XRCC3: variants seen among roughly 807,000 people sequenced by gnomAD.
XRCC3 encodes the protein X-ray repair cross complementing 3, also known as DNA repair protein XRCC3.
XRCC3 carries 34 observed loss-of-function variants against 29.2 expected under a neutral mutation model. That is an observed-to-expected ratio of 1.16 (90% confidence interval 0.88 to 1.55). The LOEUF is 1.55. Ranked by LOEUF, XRCC3 falls within the 40% of genes most tolerant of loss-of-function variation. The pLI, the probability that XRCC3 is intolerant of heterozygous loss-of-function variation, is 0.00. For synonymous variants in XRCC3, 223 were observed against 211.3 expected (o/e 1.06, Z -0.48); for missense variants, 463 against 467.6 (o/e 0.99, Z 0.09).
chr14:103,710,849 TAAG>T, intron 4 of XRCC3, 181 bp downstream of exon 4: 1 of 476,946 alleles, frequency 2.1e-6, no homozygotes, highest in Non-Finnish European at 3.6e-6. Flanking sequence ...TCCATGTAGT[TAAG>T]AACACACACA....
At chr14:103,708,445 G>A (rs1218231947) in intron 5 of XRCC3, 77 bp downstream of exon 5, 6 of 1,601,130 alleles carry the variant, frequency 3.7e-6, no homozygotes, top group African/African-American at 1.3e-5. Context: ...AGTCTGCACA[G>A]CCCCTGCCCT....
At chr14:103,715,174 C>T (rs372268622) in intron 1 of XRCC3, among the ~76,000 whole-genome samples, 1 of 152,116 alleles carries the variant, frequency 6.6e-6, no homozygotes, top group Non-Finnish European at 1.5e-5. Flanking sequence ...AGACCGCCTT[C>T]CCCGCTCCGA....
chr14:103,708,682 C>T (rs1019343113), intron 4 of XRCC3, 23 bp from the exon 5 acceptor site: 12 of 1,613,870 alleles, frequency 7.4e-6, no homozygotes, highest in South Asian at 4.4e-5. Flanking sequence ...AGATAAATTA[C>T]AGGAAAATGT....
chr14:103,697,883 GGTCCTGCAGGTGGCCCTGCCAGGA>G lies in XRCC3; in HGVS notation c.*891_*914del, dbSNP rs1382532450. The stretch of plus-strand genomic sequence containing the variant: ...TGCACAGTGTGGGACTGCAGGACAG[GGTCCTGCAGGTGGCCCTGCCAGGA>G]GTCCTGCCATATCCCTACCAGAATA... On this transcript the variant is annotated 3_prime_UTR_variant, in exon 10 of 10. Coordinates refer to ENST00000555055, the MANE Select transcript of XRCC3 (RefSeq NM_005432.4). 6.8e-6 allele frequency: 1 copy of G among 147,258 alleles called. No individual in the cohort carries two copies. Among genetic ancestry groups the G allele is most frequent in the East Asian group, 2.0e-4 (1 of 4,964 alleles). The allele number at this position is 147,258 out of a possible 1,614,324, so 9.1% of individuals were successfully genotyped here.
rs1308409831 is a variant in XRCC3, at chr14:103,708,573, G to A, written c.142C>T (p.His48Tyr). 4 of 1,614,112 alleles carry A rather than the reference G, an allele frequency of 2.5e-6. No homozygotes were observed. Among genetic ancestry groups the A allele is most frequent in the South Asian group, 1.1e-5 (1 of 91,084 alleles). ...LTNLSSPEVW[H>Y]LLRTASLHLR... ...TGTAAGGAGGCCGTTCTCAGCAAGT[G>A]CCAGACCTCGGGGCTGGAGAGGTTG... The change falls in exon 5 of 10, where the codon CAC becomes TAC. Residue 48 changes from histidine to tyrosine, a missense_variant. Coordinates refer to ENST00000555055, the MANE Select transcript of XRCC3 (RefSeq NM_005432.4).
intron 6 of XRCC3, 29 bp from the exon 7 acceptor site, chr14:103,703,356 A>G: frequency 6.5e-7 from 1 of 1,539,298 alleles, no homozygotes; most frequent in Non-Finnish European, 8.7e-7. Flanking sequence ...TGATGTGCCC[A>G]GGGGACTCCA....
chr14:103,699,616 TC>T (rs779960012), intron 7 of XRCC3, 40 bp from the exon 8 acceptor site: 8 of 1,604,830 alleles, frequency 5.0e-6, no homozygotes, highest in Non-Finnish European at 6.0e-6. Flanking sequence ...GGTCAGCAAG[TC>T]CCCGCCCCAG....
chr14:103,709,100 C>A (rs532565989), intron 4 of XRCC3: 3 of 328,934 alleles, frequency 9.1e-6, no homozygotes, highest in African/African-American at 2.2e-5. Flanking sequence ...GGCTGAGCCG[C>A]GGGAGAGGAC....
At chr14:103,700,878 C>A in intron 7 of XRCC3, 1 of 685,230 alleles carries the variant, frequency 1.5e-6, no homozygotes, top group Non-Finnish European at 2.4e-6. Flanking sequence ...GGCTCAGGGT[C>A]CCCATCCTCA....
rs2082773090 is a variant in XRCC3 at position 103,698,563 on chromosome 14, A to T, written c.*235T>A. The T allele has an allele frequency of 1.8e-6, 1 of 567,930 alleles. No individual in the cohort carries two copies. Among genetic ancestry groups the T allele is most frequent in the Admixed American group, 3.0e-5 (1 of 33,220 alleles). The allele number at this position is 567,930 out of a possible 1,614,324, so 35.2% of individuals were successfully genotyped here. A position where few individuals can be genotyped will look rare whatever the true frequency, so the allele number is the denominator to read the frequency against. On this transcript the variant is annotated 3_prime_UTR_variant, in exon 10 of 10. Transcript: ENST00000555055. ...GCCAGCTCAGCAGTGGGGACCAGGT[A>T]CCCAGCAAGCGGGCCTGTCCCCAGA... is the stretch of plus-strand genomic sequence containing the variant.
At position 103,698,612 on chromosome 14, in the gene XRCC3, C is replaced by T. The variant is rs2082778693; in HGVS notation, c.*186G>A. 1 of 640,578 alleles carries T rather than the reference C, an allele frequency of 1.6e-6. No individual in the cohort carries two copies. The highest frequency in any genetic ancestry group is 2.8e-6 in the Non-Finnish European group (1 of 362,568). 39.7% of individuals were successfully genotyped at this position (640,578 alleles called of 1,614,324 possible). A position where few individuals can be genotyped will look rare whatever the true frequency, so the allele number is the denominator to read the frequency against. On this transcript the variant is annotated 3_prime_UTR_variant, in exon 10 of 10. Coordinates refer to ENST00000555055, the MANE Select transcript of XRCC3 (RefSeq NM_005432.4). ...GACCCAGGGAGAGGCAGAACATCCC[C>T]CCAGCTCAGATGGGGGTCAGTCTGT...
intron 1 of XRCC3, chr14:103,714,107 C>T (rs2295152): frequency 0.28 from 42,977 of 152,310 alleles, 6,823 homozygotes; most frequent in East Asian, 0.36. Context: ...CCACTCACCT[C>T]CCTGCCGTGA....
intron 6 of XRCC3, chr14:103,706,694 C>T: frequency 4.5e-6 from 2 of 449,430 alleles, no homozygotes; most frequent in Non-Finnish European, 8.3e-6. Flanking sequence ...CTGGGCTTGG[C>T]AGCTGTGCGG....
chr14:103,708,201 ACCCTG>A (rs1244658844), intron 5 of XRCC3: 2 of 423,270 alleles, frequency 4.7e-6, no homozygotes, highest in African/African-American at 4.1e-5. Flanking sequence ...CACCGTTCCC[ACCCTG>A]CCAGAGCCTG....
At chr14:103,699,245 G>A in intron 8 of XRCC3, 66 bp from the exon 9 acceptor site, 2 of 1,540,196 alleles carry the variant, frequency 1.3e-6, no homozygotes, top group South Asian at 1.2e-5. Context: ...GGCACAGGCT[G>A]CTACCCGCAG....
chr14:103,715,021 C>T (rs1198722460), intron 1 of XRCC3, among the ~76,000 whole-genome samples: 1 of 152,262 alleles, frequency 6.6e-6, no homozygotes, highest in East Asian at 1.9e-4. Context: ...ATTAAAATAA[C>T]TGTTCAGACC....
intron 6 of XRCC3, chr14:103,704,242 C>G (rs1212903667): frequency 6.6e-6 from 1 of 152,228 alleles, no homozygotes; most frequent in Non-Finnish European, 1.5e-5. Context: ...GCTCCCAGGA[C>G]AGGAAGAGTC....
chr14:103,700,993 G>A (rs929957675), intron 7 of XRCC3, among the ~76,000 whole-genome samples: 2 of 152,232 alleles, frequency 1.3e-5, no homozygotes, highest in African/African-American at 4.8e-5. Context: ...CGTGCCAGAC[G>A]CAGGCCTTTG....
intron 4 of XRCC3, chr14:103,709,517 A>C (rs1383512379): frequency 1.3e-5 from 2 of 152,416 alleles, no homozygotes; most frequent in Non-Finnish European, 2.9e-5. Context: ...GTGCGGCTGG[A>C]AAACAGTAAG....
Sources: gnomAD v4.1 joint callset for allele counts (sites outside exome capture counted in the v4.1 genomes callset) on GRCh38, gnomAD v4.1.1 for gene constraint, MANE v1.5 for transcripts, NCBI Gene and HGNC (gene_info 2026-07-23, HGNC 2026-07-21) for gene names.